Variants in KDM4C observed in about 807,000 individuals in gnomAD.
KDM4C encodes lysine demethylase 4C.
KDM4C carries 81 observed loss-of-function variants against 129.3 expected under a neutral mutation model. That is an observed-to-expected ratio of 0.63 (90% confidence interval 0.52 to 0.75). The LOEUF is 0.75. Among genes scored for constraint, KDM4C ranks in the 30% least tolerant of loss-of-function variants. The pLI, the probability that KDM4C is intolerant of heterozygous loss-of-function variation, is 0.00. For missense variants in KDM4C, 1,457 were observed against 1,304.0 expected (o/e 1.12, Z -1.81); for synonymous variants, 573 against 456.1 (o/e 1.26, Z -3.26).
intron 20 of KDM4C, among the ~76,000 whole-genome samples, chr9:7,166,069 A>G (rs532673920): frequency 9.2e-5 from 14 of 152,322 alleles, no homozygotes; most frequent in Admixed American, 2.0e-4. Flanking sequence ...GAAAGGTTTT[A>G]AAAGGGGACA....
chr9:6,812,419 C>G (rs534830496), intron 3 of KDM4C, among the ~76,000 whole-genome samples: 8 of 152,212 alleles, frequency 5.3e-5, no homozygotes, highest in African/African-American at 1.9e-4. Context: ...TGGTCCCCAA[C>G]CTTTTTGGCA....
At chr9:6,820,706 C>G (rs1832868211) in intron 4 of KDM4C, among the ~76,000 whole-genome samples, 1 of 112,930 alleles carries the variant, frequency 8.9e-6, no homozygotes, top group Non-Finnish European at 1.8e-5. Context: ...TGATCTCTCT[C>G]TCTCTCTCTT....
chr9:6,849,409 T>A, intron 4 of KDM4C, 98 bp from the exon 5 acceptor site: 1 of 935,910 alleles, frequency 1.1e-6, no homozygotes. Context: ...GAATATACAA[T>A]GTAATAATTT....
chr9:7,022,554 C>A (rs7852014), intron 15 of KDM4C, among the ~76,000 whole-genome samples: 97,003 of 151,498 alleles, frequency 0.64, 32,174 homozygotes, highest in African/African-American at 0.8. Context: ...TGGAGTCTTC[C>A]AGTTTTTTCA....
intron 17 of KDM4C, among the ~76,000 whole-genome samples, chr9:7,092,592 A>G (rs903182074): frequency 5.9e-5 from 9 of 152,192 alleles, no homozygotes; most frequent in African/African-American, 2.2e-4. Flanking sequence ...ACTTAGAGGC[A>G]CTTTGTCTTT....
intron 8 of KDM4C, among the ~76,000 whole-genome samples, chr9:6,928,151 A>G (rs1822977741): frequency 6.6e-6 from 1 of 152,100 alleles, no homozygotes; most frequent in Non-Finnish European, 1.5e-5. Context: ...CTTCATCCTC[A>G]TGTTACTCAA....
chr9:6,990,394 AC>A, intron 11 of KDM4C, 21 bp from the exon 12 acceptor site: 1 of 1,481,036 alleles, frequency 6.8e-7, no homozygotes, highest in Non-Finnish European at 9.4e-7. Context: ...GTATTTCTCC[AC>A]CATTTTTGTT....
chr9:7,118,159 T>C (rs1342988177), intron 18 of KDM4C, among the ~76,000 whole-genome samples: 1 of 152,242 alleles, frequency 6.6e-6, no homozygotes. Flanking sequence ...GCCTGTTGTT[T>C]GTGCTTCTAC....
chr9:6,933,672 C>G (rs1824173763), intron 8 of KDM4C, among the ~76,000 whole-genome samples: 1 of 152,020 alleles, frequency 6.6e-6, no homozygotes, highest in South Asian at 2.1e-4. Context: ...ATGTATAGTT[C>G]TAATACACAT....
chr9:7,093,264 G>C (rs1836014081), intron 17 of KDM4C, among the ~76,000 whole-genome samples: 1 of 152,130 alleles, frequency 6.6e-6, no homozygotes, highest in African/African-American at 2.4e-5. Context: ...TGGTGTTGTT[G>C]ATTCATTGTG....
intron 16 of KDM4C, among the ~76,000 whole-genome samples, chr9:7,047,769 T>TC (rs1251927325): frequency 6.6e-6 from 1 of 151,988 alleles, no homozygotes; most frequent in Non-Finnish European, 1.5e-5. Context: ...TGATTGTATA[T>TC]CCCTATAAGG....
intron 5 of KDM4C, among the ~76,000 whole-genome samples, chr9:6,877,836 T>C (rs924753760): frequency 3.9e-5 from 6 of 152,224 alleles, no homozygotes; most frequent in South Asian, 2.1e-4. Flanking sequence ...ACATTCCAGT[T>C]TTATTAGCAT....
chr9:7,024,340 AATT>A (rs1336779601), intron 15 of KDM4C, among the ~76,000 whole-genome samples: 2 of 147,984 alleles, frequency 1.4e-5, no homozygotes, highest in Non-Finnish European at 1.5e-5. Context: ...GAATTTTTAA[AATT>A]ATTATTATAC....
chr9:6,981,042 A>G lies in KDM4C; in HGVS notation c.1039A>G (p.Lys347Glu). ...GGATATATACACCATTGATCACACG[A>G]AGCCTACTCCAGCATCCACCCCTGA... ...GKDIYTIDHT[K>E]PTPASTPEVK... The change falls in exon 9 of 22, where the codon AAG becomes GAG. Residue 347 changes from lysine to glutamate, a missense_variant. Transcript: ENST00000381309. The G allele has an allele frequency of 6.2e-7, 1 of 1,613,900 alleles. No homozygotes were observed. Among genetic ancestry groups the G allele is most frequent in the Non-Finnish European group, 8.5e-7 (1 of 1,179,848 alleles).
intron 3 of KDM4C, among the ~76,000 whole-genome samples, chr9:6,809,837 T>C (rs7027630): frequency 0.16 from 24,054 of 151,938 alleles, 2,693 homozygotes; most frequent in African/African-American, 0.32. Context: ...GTCTCTACAA[T>C]AAATACAAAA....
intron 19 of KDM4C, among the ~76,000 whole-genome samples, chr9:7,149,287 ACAC>A (rs1281964674): frequency 6.6e-6 from 1 of 152,232 alleles, no homozygotes; most frequent in Non-Finnish European, 1.5e-5. Flanking sequence ...AGCTATCAAG[ACAC>A]GATGGCAACT....
intron 10 of KDM4C, among the ~76,000 whole-genome samples, chr9:6,985,426 A>G (rs1301138346): frequency 6.6e-6 from 1 of 152,250 alleles, no homozygotes; most frequent in African/African-American, 2.4e-5. Flanking sequence ...GTGGAGAGCT[A>G]GGCAAATAAC....
At chr9:6,958,632 T>C (rs925807076) in intron 8 of KDM4C, among the ~76,000 whole-genome samples, 6 of 151,494 alleles carry the variant, frequency 4.0e-5, no homozygotes, top group African/African-American at 7.3e-5. Flanking sequence ...ATTTACTTTT[T>C]CCCCCTAGTA....
At chr9:6,896,226 A>G (rs1816408728) in intron 8 of KDM4C, among the ~76,000 whole-genome samples, 1 of 152,218 alleles carries the variant, frequency 6.6e-6, no homozygotes, top group African/African-American at 2.4e-5. Flanking sequence ...AATGGTAACT[A>G]TAAAAAAGTC....
Sources: gnomAD v4.1 joint callset for allele counts (sites outside exome capture counted in the v4.1 genomes callset) on GRCh38, gnomAD v4.1.1 for gene constraint, MANE v1.5 for transcripts, NCBI Gene and HGNC (gene_info 2026-07-23, HGNC 2026-07-21) for gene names.